The following RBFOX1 variants were observed in gnomAD, a reference collection of about 807,000 sequenced individuals.
RBFOX1 encodes the protein RNA binding protein fox-1 homolog 1.
Under a neutral mutation model 57.7 loss-of-function variants are expected in RBFOX1, and 8 were observed. That is an observed-to-expected ratio of 0.14 (90% confidence interval 0.08 to 0.25). The LOEUF is 0.25. Ranked by LOEUF, RBFOX1 falls within the 10% of genes least tolerant of loss-of-function variation. The probability of loss-of-function intolerance (pLI) is 1.00; values close to 1 mark genes in which losing one functional copy is unlikely to be tolerated. For missense variants in RBFOX1, 611 were observed against 548.5 expected, an observed-to-expected ratio of 1.11 and a Z score of -1.14; for synonymous variants, 326 against 222.4, an observed-to-expected ratio of 1.47 and a Z score of -4.15.
At chr16:7,178,395 C>T (rs2082077986) in intron 4 of RBFOX1, among the ~76,000 whole-genome samples, 1 of 152,164 alleles carries the variant, frequency 6.6e-6, no homozygotes, top group African/African-American at 2.4e-5. Flanking sequence ...AAGGACATGG[C>T]AAACACAATC....
At chr16:6,763,601 C>A (rs141788238) in intron 3 of RBFOX1, among the ~76,000 whole-genome samples, 1,969 of 152,282 alleles carry the variant, frequency 0.013, 53 homozygotes, top group African/African-American at 0.045. Context: ...TCATCAACAA[C>A]CACTTGCCTT....
intron 4 of RBFOX1, among the ~76,000 whole-genome samples, chr16:7,101,776 C>G (rs1016626794): frequency 6.6e-6 from 1 of 152,096 alleles, no homozygotes; most frequent in Non-Finnish European, 1.5e-5. Flanking sequence ...GTCCTCTTTC[C>G]CTTTTAATGT....
At position 6,084,069 on chromosome 16, in the gene RBFOX1, C is replaced by T. The variant is rs575233780; in HGVS notation, c.-127+64077C>T. ...CTTTGCTACTCAACACTTTTTGACCCTGAGCAACTTGCACTTAGGGGCCTG... is the reference window on the plus strand; with the variant it reads ...CTTTGCTACTCAACACTTTTTGACCTTGAGCAACTTGCACTTAGGGGCCTG... On this transcript the variant is annotated intron_variant, in intron 1 of 15. Coordinates refer to ENST00000550418, the MANE Select transcript of RBFOX1 (RefSeq NM_018723.4). Among the ~76,000 whole-genome samples the T allele has an allele frequency of 2.6e-5, 4 of 152,250 alleles. No individual in the cohort carries two copies. The East Asian group carries it at 5.8e-4, about 22-fold the overall frequency.
intron 1 of RBFOX1, among the ~76,000 whole-genome samples, chr16:5,450,344 A>G (rs756389428): frequency 6.6e-5 from 10 of 152,180 alleles, no homozygotes; most frequent in Admixed American, 2.6e-4. Context: ...TTCCAGGAAG[A>G]AGAGTGATCG....
rs113762928 is a variant in RBFOX1, at chr16:6,941,719, A to C, written c.-15-110338A>C. Among the ~76,000 whole-genome samples, 822 of 152,260 alleles carry C rather than the reference A, an allele frequency of 5.4e-3. 6 individuals carry two copies. Among genetic ancestry groups the C allele is most frequent in the Non-Finnish European group, 8.7e-3 (592 of 68,038 alleles). On this transcript the variant is annotated intron_variant, in intron 3 of 15. Transcript: ENST00000550418. Reference sequence around the variant, plus strand: ...AGGAAAGGTGGATAGACAGAGAGAGATTGGATTTGGCTTCTGAGAATGTGG... The same window carrying C: ...AGGAAAGGTGGATAGACAGAGAGAGCTTGGATTTGGCTTCTGAGAATGTGG...
intron 3 of RBFOX1, among the ~76,000 whole-genome samples, chr16:7,009,888 G>C (rs543217606): frequency 6.6e-6 from 1 of 152,294 alleles, no homozygotes; most frequent in East Asian, 1.9e-4. Flanking sequence ...TTTTGGTGCC[G>C]TTTAGCTGTG....
intron 3 of RBFOX1, among the ~76,000 whole-genome samples, chr16:6,972,596 G>T (rs1370135535): frequency 2.6e-5 from 4 of 152,076 alleles, no homozygotes; most frequent in Admixed American, 2.6e-4. Flanking sequence ...GGAATGTTCT[G>T]GGAGAAGTGG....
intron 3 of RBFOX1, among the ~76,000 whole-genome samples, chr16:5,778,874 C>T (rs2054235667): frequency 6.6e-6 from 1 of 152,156 alleles, no homozygotes; most frequent in African/African-American, 2.4e-5. Flanking sequence ...TGTCATCTGC[C>T]TGATATGATT....
At chr16:6,301,121 T>C (rs1294933230) in intron 1 of RBFOX1, among the ~76,000 whole-genome samples, 2 of 152,242 alleles carry the variant, frequency 1.3e-5, no homozygotes, top group Admixed American at 6.5e-5. Flanking sequence ...CTGGAAACTT[T>C]GGAATGTAGA....
chr16:6,430,464 A>C (rs1053064050), intron 2 of RBFOX1, among the ~76,000 whole-genome samples: 7 of 152,232 alleles, frequency 4.6e-5, no homozygotes, highest in African/African-American at 1.7e-4. Context: ...GCTTTGAAGA[A>C]GGAAAAGGGT....
chr16:7,550,766 C>G (rs888991598), intron 5 of RBFOX1, among the ~76,000 whole-genome samples: 14 of 152,006 alleles, frequency 9.2e-5, no homozygotes, highest in Non-Finnish European at 1.5e-5. Flanking sequence ...TCCTCAGTAT[C>G]CACAATGACT....
At chr16:7,202,042 C>T (rs1000755805) in intron 4 of RBFOX1, among the ~76,000 whole-genome samples, 5 of 152,104 alleles carry the variant, frequency 3.3e-5, no homozygotes, top group Admixed American at 2.6e-4. Context: ...GGAAGATCCT[C>T]CCATGGTCTT....
rs901539199 is a variant in RBFOX1, at chr16:5,394,090, C to G, written c.220-73126C>G. Among the ~76,000 whole-genome samples, 10 of 152,058 alleles carry G rather than the reference C, an allele frequency of 6.6e-5. 1 individual carries two copies. The South Asian group carries it at 1.0e-3, about 16-fold the overall frequency. On this transcript the variant is annotated intron_variant, in intron 1 of 2. Transcript: ENST00000585867. ...CCATGTTGGAGTGCAGTGCTGTGAT[C>G]TCAGCTCACTGCAGCCTCCACCTCC...
chr16:7,417,528 T>TTGTGTGTGTGTTTGTG lies in RBFOX1; in HGVS notation c.28-100608_28-100607insTTGTGTGTGTGTGTGT, dbSNP rs1555882380. Among the ~76,000 whole-genome samples the TTGTGTGTGTGTTTGTG allele has an allele frequency of 2.2e-3, 150 of 68,454 alleles. 2 individuals are homozygous for TTGTGTGTGTGTTTGTG. Among genetic ancestry groups the TTGTGTGTGTGTTTGTG allele is most frequent in the African/African-American group, 4.8e-3 (107 of 22,080 alleles). 44.9% of individuals were successfully genotyped at this position (68,454 alleles called of 152,430 possible). On this transcript the variant is annotated intron_variant, in intron 4 of 15. Transcript: ENST00000550418. ...CGGATTTCACCAGCTTCACATGGTA[T>TTGTGTGTGTGTTTGTG]TGTGTGTGTGTGTGTGTGTGTGTGT...
intron 3 of RBFOX1, among the ~76,000 whole-genome samples, chr16:6,888,869 C>T (rs1245402189): frequency 6.6e-6 from 1 of 152,030 alleles, no homozygotes; most frequent in Non-Finnish European, 1.5e-5. Flanking sequence ...CTCTTTATCC[C>T]CTCCTCCCCA....
intron 4 of RBFOX1, among the ~76,000 whole-genome samples, chr16:7,447,145 C>G (rs116623116): frequency 4.7e-5 from 7 of 150,482 alleles, no homozygotes; most frequent in African/African-American, 1.2e-4. Flanking sequence ...AGATGTGACA[C>G]TTACAGAATT....
chr16:5,353,051 G>A (rs778397962), intron 1 of RBFOX1, among the ~76,000 whole-genome samples: 3 of 152,164 alleles, frequency 2.0e-5, no homozygotes, highest in South Asian at 2.1e-4. Context: ...GAGATGAAAC[G>A]TTGCATTTAG....
At chr16:7,462,243 A>G (rs925201940) in intron 4 of RBFOX1, among the ~76,000 whole-genome samples, 2 of 152,220 alleles carry the variant, frequency 1.3e-5, no homozygotes, top group Admixed American at 6.5e-5. Context: ...TGCTGTAACA[A>G]ATCACCACAA....
At chr16:6,551,465 A>T (rs1241841354) in intron 2 of RBFOX1, among the ~76,000 whole-genome samples, 1 of 152,232 alleles carries the variant, frequency 6.6e-6, no homozygotes, top group East Asian at 1.9e-4. Context: ...ACGCTGTCTA[A>T]CATAAGTAAC....
Sources: allele counts gnomAD v4.1 joint callset (sites outside exome capture counted in the v4.1 genomes callset), GRCh38; gene constraint gnomAD v4.1.1; transcripts MANE v1.5; gene names NCBI Gene and HGNC (gene_info 2026-07-23, HGNC 2026-07-21).